Variants in CBR4 observed in about 807,000 individuals in gnomAD.
The protein encoded by CBR4 is carbonyl reductase 4, also known as 3-oxoacyl-[acyl-carrier-protein] reductase.
A neutral mutation model predicts 21.0 loss-of-function variants in CBR4; 22 were observed. The ratio of observed to expected loss-of-function variants is 1.05; its 90% CI spans 0.75 to 1.50. CBR4 has a LOEUF of 1.50. Among genes scored for constraint, CBR4 ranks in the 40% most tolerant of loss-of-function variants. The pLI, the probability that CBR4 is intolerant of heterozygous loss-of-function variation, is 0.00. For missense variants in CBR4, 302 were observed against 286.3 expected (o/e 1.05, Z -0.40); for synonymous variants, 100 against 104.4 (o/e 0.96, Z 0.26).
Position 168,988,857 on chromosome 4 carries a change from T to C in CBR4, c.*1293A>G. 1 of 958,760 alleles carries C rather than the reference T, an allele frequency of 1.0e-6. No individual in the cohort carries two copies. The highest frequency in any genetic ancestry group is 1.2e-6 in the Non-Finnish European group (1 of 805,642). The allele number at this position is 958,760 out of a possible 1,614,324, so 59.4% of individuals were successfully genotyped here. A position where few individuals can be genotyped will look rare whatever the true frequency, so the allele number is the denominator to read the frequency against. ...TTACTTTGTATTTATTAGTATATCC[T>C]ATTCATAATTTTGCACTGACTTTCA... On this transcript the variant is annotated 3_prime_UTR_variant, in exon 5 of 5. Transcript: ENST00000306193.
chr4:168,974,834 C>T (rs904360066), intron 2 of CBR4, among the ~76,000 whole-genome samples: 7 of 151,790 alleles, frequency 4.6e-5, no homozygotes, highest in African/African-American at 1.5e-4. Flanking sequence ...TTCTTTAAGT[C>T]GGTTTTCACC....
intron 2 of CBR4, among the ~76,000 whole-genome samples, chr4:168,953,590 A>ATTTTTTTT (rs1220737031): frequency 2.8e-5 from 4 of 141,790 alleles, no homozygotes; most frequent in Non-Finnish European, 6.2e-5. Flanking sequence ...TGCAAAGCTA[A>ATTTTTTTT]TTTTTTTTTT....
At chr4:168,946,274 G>C (rs1326343685) in intron 2 of CBR4, among the ~76,000 whole-genome samples, 1 of 152,176 alleles carries the variant, frequency 6.6e-6, no homozygotes, top group Non-Finnish European at 1.5e-5. Context: ...TTCCAGGCAG[G>C]AGAGTCTTCT....
At chr4:168,999,778 T>C (rs888153836) in intron 4 of CBR4, among the ~76,000 whole-genome samples, 1 of 152,180 alleles carries the variant, frequency 6.6e-6, no homozygotes, top group African/African-American at 2.4e-5. Flanking sequence ...TTGACAACTA[T>C]TTACTCTAAA....
chr4:168,947,677 G>A (rs1253347502), intron 2 of CBR4, among the ~76,000 whole-genome samples: 2 of 152,090 alleles, frequency 1.3e-5, no homozygotes. Context: ...TAGTATAACA[G>A]TCTCATCCAG....
At chr4:168,930,607 C>T (rs1762948467) in intron 2 of CBR4, among the ~76,000 whole-genome samples, 1 of 152,144 alleles carries the variant, frequency 6.6e-6, no homozygotes, top group South Asian at 2.1e-4. Context: ...AAACAGTTAA[C>T]ATTCAACTGA....
chr4:168,934,234 C>T, intron 2 of CBR4, among the ~76,000 whole-genome samples: 1 of 119,128 alleles, frequency 8.4e-6, no homozygotes, highest in East Asian at 3.0e-4. Context: ...ACTGGCAAGA[C>T]CCAGTCTCCA....
rs148290825 is a variant in CBR4, at chr4:168,988,144, G to A, written c.*2006C>T. 2.0e-6 allele frequency: 2 copies of A among 985,228 alleles called. No individual in the cohort carries two copies. Among genetic ancestry groups the A allele is most frequent in the African/African-American group, 1.7e-5 (1 of 57,332 alleles). 61.0% of individuals were successfully genotyped at this position (985,228 alleles called of 1,614,324 possible). ...TCACAACTGATTTCAGAAATAGAAG[G>A]TAAGTATTAAATTACAAATTCTACT... On this transcript the variant is annotated 3_prime_UTR_variant, in exon 5 of 5. Coordinates refer to ENST00000306193, the MANE Select transcript of CBR4 (RefSeq NM_032783.5).
At position 168,989,921 on chromosome 4, in the gene CBR4, G is replaced by A. The variant is rs1764826673; in HGVS notation, c.*229C>T. 8.5e-7 allele frequency: 1 copy of A among 1,173,538 alleles called. No individual in the cohort carries two copies. Among genetic ancestry groups the A allele is most frequent in the Non-Finnish European group, 1.1e-6 (1 of 948,928 alleles). 72.7% of individuals were successfully genotyped at this position (1,173,538 alleles called of 1,614,324 possible). ...ATATGGTATGTGAATTGTATCTCAT[G>A]AAGGCTTTTTAAACAAAACAACACT... On this transcript the variant is annotated 3_prime_UTR_variant, in exon 5 of 5. Coordinates refer to ENST00000306193, the MANE Select transcript of CBR4 (RefSeq NM_032783.5).
chr4:168,971,216 ATAAT>A (rs1259459813), intron 2 of CBR4, among the ~76,000 whole-genome samples: 2 of 151,874 alleles, frequency 1.3e-5, no homozygotes, highest in Non-Finnish European at 2.9e-5. Flanking sequence ...CATTTCCCTG[ATAAT>A]TAGTGATGTT....
At chr4:168,978,965 T>C (rs989831716) in intron 2 of CBR4, among the ~76,000 whole-genome samples, 1 of 151,724 alleles carries the variant, frequency 6.6e-6, no homozygotes, top group African/African-American at 2.4e-5. Flanking sequence ...AGGCCTGCCA[T>C]TTTTGCTGCT....
chr4:168,995,789 C>G (rs756423777), intron 4 of CBR4, among the ~76,000 whole-genome samples: 24 of 152,084 alleles, frequency 1.6e-4, no homozygotes, highest in Admixed American at 2.6e-4. Flanking sequence ...GTTTGGAGGA[C>G]AGACATGTGA....
At chr4:168,915,878 ATCTT>A in intron 2 of CBR4, 1 of 1,605,674 alleles carries the variant, frequency 6.2e-7, no homozygotes, top group Non-Finnish European at 8.5e-7. Context: ...TCTATCTGTC[ATCTT>A]TCTTGTTTCA....
chr4:168,920,102 C>T (rs535966224), intron 2 of CBR4, among the ~76,000 whole-genome samples: 1 of 152,144 alleles, frequency 6.6e-6, no homozygotes, highest in Non-Finnish European at 1.5e-5. Context: ...GTGGGAACAA[C>T]AAGGAGCCTG....
chr4:169,006,854 C>A lies in CBR4; in HGVS notation c.301G>T (p.Val101Leu), dbSNP rs778419060. The A allele has an allele frequency of 6.2e-7, 1 of 1,612,554 alleles. No individual in the cohort carries two copies. Among genetic ancestry groups the A allele is most frequent in the Non-Finnish European group, 8.5e-7 (1 of 1,178,624 alleles). Residue 101 changes from valine to leucine, a missense_variant, in exon 3 of 5, where the codon GTA becomes TTA. By Grantham distance (32) the Val-to-Leu change is conservative. Transcript: ENST00000306193. ...AAGAGGTTAGTATGAAGCTGAGATA[C>A]CATATCTTCAGTTTTTGTTCTTACT... ...LLVRTKTEDMVSQLHTNLLGS... is the reference protein window; with the variant it reads ...LLVRTKTEDMLSQLHTNLLGS...
At chr4:168,925,618 T>TAAAG (rs1206286087) in intron 2 of CBR4, among the ~76,000 whole-genome samples, 1 of 152,146 alleles carries the variant, frequency 6.6e-6, no homozygotes, top group South Asian at 2.1e-4. Context: ...ATCCCAAATT[T>TAAAG]AAAGAAAATT....
At chr4:168,931,855 GCA>G (rs1310584251) in intron 2 of CBR4, among the ~76,000 whole-genome samples, 1 of 151,992 alleles carries the variant, frequency 6.6e-6, no homozygotes, top group Non-Finnish European at 1.5e-5. Context: ...TGAAGAATCT[GCA>G]CAGACACTAC....
intron 2 of CBR4, among the ~76,000 whole-genome samples, chr4:168,952,488 G>T (rs1015797830): frequency 1.3e-5 from 2 of 152,118 alleles, no homozygotes; most frequent in African/African-American, 4.8e-5. Flanking sequence ...GTGTTAAAGA[G>T]CCCTGTTTTG....
At position 168,964,933 on chromosome 4, in the gene CBR4, T is replaced by C. The variant is rs542880091; in HGVS notation, n.169+37138A>G. Among the ~76,000 whole-genome samples, 36 of 152,272 alleles carry C rather than the reference T, an allele frequency of 2.4e-4. No individual in the cohort carries two copies. The South Asian group carries it at 7.3e-3, about 31-fold the overall frequency. On this transcript the variant is annotated intron_variant and non_coding_transcript_variant, in intron 2 of 3. Coordinates refer to the CBR4 transcript ENST00000509108. The stretch of plus-strand genomic sequence containing the variant: ...CTTAGCTTTAAGGCAGTTTGGGACA[T>C]GTTTTTTGTTTTTGTTTTGGTATCC...
Sources: gnomAD v4.1 joint callset for allele counts (sites outside exome capture counted in the v4.1 genomes callset) on GRCh38, gnomAD v4.1.1 for gene constraint, MANE v1.5 for transcripts, NCBI Gene and HGNC (gene_info 2026-07-23, HGNC 2026-07-21) for gene names.